NETO1: variants seen among roughly 807,000 people sequenced by gnomAD.
The protein encoded by NETO1 is neuropilin and tolloid-like protein 1.
A neutral mutation model predicts 61.3 loss-of-function variants in NETO1; 26 were observed. The observed-to-expected ratio is 0.42, with a 90% CI of 0.31 to 0.59. NETO1 has a LOEUF of 0.59. Ranked by LOEUF, NETO1 falls within the 20% of genes least tolerant of loss-of-function variation. The pLI, the probability that NETO1 is intolerant of heterozygous loss-of-function variation, is 0.12. For missense variants in NETO1, 531 were observed against 662.8 expected (o/e 0.80, Z 2.18); for synonymous variants, 225 against 225.8 (o/e 1.00, Z 0.03).
intron 4 of NETO1, among the ~76,000 whole-genome samples, chr18:72,797,893 C>G (rs910146762): frequency 2.0e-5 from 3 of 152,188 alleles, no homozygotes; most frequent in Non-Finnish European, 4.4e-5. Context: ...CTTTGGAGAG[C>G]TGGATCTTTC....
intron 4 of NETO1, among the ~76,000 whole-genome samples, chr18:72,811,697 T>C (rs1303887166): frequency 6.6e-6 from 1 of 152,038 alleles, no homozygotes; most frequent in Non-Finnish European, 1.5e-5. Flanking sequence ...CCCAGCTACT[T>C]GGGAAGCTAA....
downstream of NETO1, among the ~76,000 whole-genome samples, chr18:72,743,506 G>T (rs2070372438): frequency 6.6e-6 from 1 of 152,092 alleles, no homozygotes; most frequent in Non-Finnish European, 1.5e-5. Flanking sequence ...GGTAACCAGG[G>T]CTTTGCAATC....
At chr18:72,774,617 G>C (rs1005425327) in intron 7 of NETO1, among the ~76,000 whole-genome samples, 1 of 152,044 alleles carries the variant, frequency 6.6e-6, no homozygotes, top group Non-Finnish European at 1.5e-5. Context: ...ATCTCAAATT[G>C]GATGAATTCT....
chr18:72,835,612 G>T (rs551031229), intron 4 of NETO1, among the ~76,000 whole-genome samples: 1 of 152,090 alleles, frequency 6.6e-6, no homozygotes, highest in Non-Finnish European at 1.5e-5. Context: ...GTATTTCTAC[G>T]GTTTATTGTT....
At chr18:72,790,914 C>T (rs1215151133) in intron 6 of NETO1, among the ~76,000 whole-genome samples, 2 of 152,120 alleles carry the variant, frequency 1.3e-5, no homozygotes, top group Non-Finnish European at 2.9e-5. Flanking sequence ...TTAATAGTTA[C>T]CATGATTTGG....
At chr18:72,859,218 T>C (rs968742937) in intron 3 of NETO1, 144 bp from the exon 4 acceptor site, 8 of 794,154 alleles carry the variant, frequency 1.0e-5, no homozygotes, top group Admixed American at 6.6e-5. Flanking sequence ...AAGCATATGA[T>C]ACTATTCTAC....
chr18:72,769,710 C>T (rs2071285398), intron 7 of NETO1, among the ~76,000 whole-genome samples: 1 of 152,014 alleles, frequency 6.6e-6, no homozygotes, highest in Admixed American at 6.6e-5. Flanking sequence ...AAATGTTTAT[C>T]CCATGTAGTT....
intron 4 of NETO1, among the ~76,000 whole-genome samples, chr18:72,837,188 T>C (rs1044951797): frequency 6.6e-6 from 1 of 152,148 alleles, no homozygotes; most frequent in African/African-American, 2.4e-5. Context: ...GTGCTTGGGG[T>C]ATTTTTCAGA....
chr18:72,806,341 C>A (rs566703556), intron 4 of NETO1, among the ~76,000 whole-genome samples: 1 of 152,228 alleles, frequency 6.6e-6, no homozygotes. Context: ...GGAAGTTATT[C>A]AACTTCCCAC....
chr18:72,842,621 C>G (rs1246779591), intron 4 of NETO1, among the ~76,000 whole-genome samples: 1 of 152,106 alleles, frequency 6.6e-6, no homozygotes. Flanking sequence ...AATAGAATCA[C>G]AAAGATTGAA....
intron 4 of NETO1, 132 bp downstream of exon 4, chr18:72,858,694 C>T (rs1317994465): frequency 1.1e-6 from 1 of 906,420 alleles, no homozygotes; most frequent in Non-Finnish European, 1.6e-6. Flanking sequence ...AGAAAAAGCA[C>T]TGTAGATTTG....
intron 4 of NETO1, among the ~76,000 whole-genome samples, chr18:72,851,025 C>T (rs1018008401): frequency 2.0e-5 from 3 of 152,172 alleles, no homozygotes; most frequent in Admixed American, 6.5e-5. Context: ...GGATCAGCAG[C>T]CCTGAATAGA....
At position 72,751,347 on chromosome 18, in the gene NETO1, C is replaced by T. The variant is rs532378934; in HGVS notation, c.983-727G>A. On this transcript the variant is annotated intron_variant, in intron 8 of 10. Coordinates refer to ENST00000327305, the MANE Select transcript of NETO1 (RefSeq NM_138966.5). ...CCAGTGAGAGTCTGTGGCATTTGAG[C>T]CATGACTTGCTTCCTCCACTCTTGA... 1.2e-4 allele frequency among the ~76,000 whole-genome samples: 18 copies of T among 152,264 alleles called. No homozygotes were observed. In the East Asian group the frequency reaches 3.5e-3, roughly 29 times the overall value.
intron 7 of NETO1, among the ~76,000 whole-genome samples, chr18:72,772,743 A>ATCTCTC (rs1491488125): frequency 6.1e-5 from 4 of 65,750 alleles, no homozygotes; most frequent in African/African-American, 1.9e-4. Flanking sequence ...ACACACACAC[A>ATCTCTC]TCTCTCTATA....
intron 4 of NETO1, among the ~76,000 whole-genome samples, chr18:72,823,797 T>C (rs925411269): frequency 1.1e-4 from 16 of 152,200 alleles, no homozygotes; most frequent in Admixed American, 3.9e-4. Context: ...AACATATCCA[T>C]GGGCACTCAT....
chr18:72,845,535 C>G (rs1264266006), intron 4 of NETO1, among the ~76,000 whole-genome samples: 1 of 152,160 alleles, frequency 6.6e-6, no homozygotes, highest in Non-Finnish European at 1.5e-5. Flanking sequence ...AAATAGACCA[C>G]AACAATGATT....
intron 4 of NETO1, among the ~76,000 whole-genome samples, chr18:72,857,221 T>C (rs1189269143): frequency 3.3e-5 from 5 of 152,214 alleles, no homozygotes; most frequent in African/African-American, 1.2e-4. Flanking sequence ...TCCTACTTCA[T>C]GGAAAAATCT....
intron 4 of NETO1, among the ~76,000 whole-genome samples, chr18:72,842,251 C>T (rs2073957394): frequency 1.3e-5 from 2 of 152,074 alleles, no homozygotes; most frequent in South Asian, 4.1e-4. Flanking sequence ...GTTGACAACA[C>T]ATCGATTGAG....
chr18:72,830,605 T>C lies in NETO1; in HGVS notation c.469+28221A>G, dbSNP rs2073544506. ...TTAGGAGCAGCTTTTGGTGTGGAGG[T>C]AGGATGTGGTGGGGAGGGGATGGAT... On this transcript the variant is annotated intron_variant, in intron 4 of 10. Transcript: ENST00000327305. The surrounding 1 kb of genome is among the most constrained non-coding windows in gnomAD (Gnocchi z 4.9). 6.6e-6 allele frequency among the ~76,000 whole-genome samples: 1 copy of C among 152,030 alleles called. No homozygotes were observed. The highest frequency in any genetic ancestry group is 2.4e-5 in the African/African-American group (1 of 41,390).
Sources: gnomAD v4.1 joint callset for allele counts (sites outside exome capture counted in the v4.1 genomes callset) on GRCh38, gnomAD v4.1.1 for gene constraint, Gnocchi (gnomAD v3.1) non-coding constraint, MANE v1.5 for transcripts, NCBI Gene and HGNC (gene_info 2026-07-23, HGNC 2026-07-21) for gene names.